Variants in ATXN3 observed in about 807,000 individuals in gnomAD.
ATXN3 encodes ataxin-3.
ATXN3 carries 28 observed loss-of-function variants against 58.2 expected under a neutral mutation model. The observed-to-expected ratio is 0.48, with a 90% CI of 0.36 to 0.66. ATXN3 has a LOEUF of 0.66. Ranked by LOEUF, ATXN3 falls within the 30% of genes least tolerant of loss-of-function variation. ATXN3 has a pLI of 0.00. For missense variants in ATXN3, 321 were observed against 422.1 expected (o/e 0.76, Z 2.10); for synonymous variants, 113 against 138.5 (o/e 0.82, Z 1.29).
Position 92,078,951 on chromosome 14 carries a change from C to T in ATXN3, c.872+2014G>A, listed in dbSNP as rs528024685. On this transcript the variant is annotated intron_variant, in intron 9 of 10. Coordinates refer to ENST00000644486, the MANE Select transcript of ATXN3 (RefSeq NM_004993.6). ...CTGTAATCCCAGCACTCTGGGAGGCCGAGGCAGGTGGATCACTTGAGGTCA... is the reference window on the plus strand; with the variant it reads ...CTGTAATCCCAGCACTCTGGGAGGCTGAGGCAGGTGGATCACTTGAGGTCA... Among the ~76,000 whole-genome samples the T allele has an allele frequency of 1.4e-4, 21 of 151,956 alleles. No individual in the cohort carries two copies. In the South Asian group the frequency reaches 1.5e-3, roughly 11 times the overall value.
intron 2 of ATXN3, among the ~76,000 whole-genome samples, chr14:92,045,760 A>G (rs1040119143): frequency 3.9e-5 from 6 of 152,182 alleles, no homozygotes; most frequent in Non-Finnish European, 7.3e-5. Flanking sequence ...GGCTGGAAGG[A>G]GATATTTTCC....
At position 92,096,598 on chromosome 14, in the gene ATXN3, T is replaced by C; in HGVS notation, c.189+76A>G. 2.8e-6 allele frequency: 4 copies of C among 1,433,552 alleles called. No homozygotes were observed. The South Asian group carries it at 3.9e-5, about 14-fold the overall frequency. The allele number at this position is 1,433,552 out of a possible 1,614,324, so 88.8% of individuals were successfully genotyped here. On this transcript the variant is annotated intron_variant, in intron 2 of 10. Coordinates refer to ENST00000644486, the MANE Select transcript of ATXN3 (RefSeq NM_004993.6). The stretch of plus-strand genomic sequence containing the variant: ...GAGATCGCGCCATTGCACTCCAGCA[T>C]GGGCAACAGGGCGAGACTCCGTCTC...
At chr14:92,054,830 G>C (rs1164564345), downstream of ATXN3, among the ~76,000 whole-genome samples, 1 of 151,874 alleles carries the variant, frequency 6.6e-6, no homozygotes, top group Non-Finnish European at 1.5e-5. Context: ...TTGAAGATGA[G>C]AGGAGAAAAA....
intron 7 of ATXN3, 107 bp downstream of exon 7, chr14:92,083,019 A>T (rs1362492607): frequency 5.9e-6 from 8 of 1,356,540 alleles, no homozygotes; most frequent in Non-Finnish European, 8.0e-6. Context: ...AAGGTCCAAA[A>T]TAGAGTCGCC....
At chr14:92,090,191 C>T (rs1884774) in intron 5 of ATXN3, among the ~76,000 whole-genome samples, 42,909 of 151,966 alleles carry the variant, frequency 0.28, 6,379 homozygotes, top group East Asian at 0.44. Context: ...CAGCCTCGAA[C>T]ACCTGGGCTT....
intron 9 of ATXN3, among the ~76,000 whole-genome samples, chr14:92,078,362 T>TTATTTATG (rs1235415876): frequency 1.3e-5 from 2 of 151,746 alleles, no homozygotes; most frequent in Non-Finnish European, 2.9e-5. Flanking sequence ...TTTTTATTAT[T>TTATTTATG]TATTTATTTA....
chr14:92,068,040 G>T (rs539351859), intron 10 of ATXN3, among the ~76,000 whole-genome samples: 2 of 152,270 alleles, frequency 1.3e-5, no homozygotes, highest in Admixed American at 1.3e-4. Flanking sequence ...TTACTGCTGG[G>T]TGTCAGCAAC....
intron 1 of ATXN3, among the ~76,000 whole-genome samples, chr14:92,106,184 G>C (rs1431240940): frequency 6.6e-6 from 1 of 152,180 alleles, no homozygotes; most frequent in African/African-American, 2.4e-5. Flanking sequence ...GGAGAGGGAA[G>C]GATTGGGGAG....
intron 1 of ATXN3, among the ~76,000 whole-genome samples, chr14:92,097,161 G>A (rs1360495984): frequency 6.6e-6 from 1 of 151,834 alleles, no homozygotes; most frequent in Non-Finnish European, 1.5e-5. Flanking sequence ...CGCCCGCCTT[G>A]GCCTCCCAAA....
chr14:92,101,936 C>T (rs553303069), intron 1 of ATXN3, among the ~76,000 whole-genome samples: 6 of 151,606 alleles, frequency 4.0e-5, no homozygotes, highest in Admixed American at 2.6e-4. Context: ...AGGTGGATCA[C>T]GAGGTCAAGA....
At chr14:92,057,028 T>C (rs1405395679), downstream of ATXN3, among the ~76,000 whole-genome samples, 3 of 152,166 alleles carry the variant, frequency 2.0e-5, no homozygotes, top group East Asian at 1.9e-4. Flanking sequence ...TACACTCCCA[T>C]TGGCACCATG....
chr14:92,089,779 A>G (rs888958384), intron 5 of ATXN3, among the ~76,000 whole-genome samples: 2 of 152,356 alleles, frequency 1.3e-5, no homozygotes, highest in South Asian at 2.1e-4. Flanking sequence ...ATATCAGTCC[A>G]ACATAACTCC....
chr14:92,070,744 CTTTT>C (rs774529009), intron 10 of ATXN3, 187 bp downstream of exon 10: 47 of 1,016,822 alleles, frequency 4.6e-5, no homozygotes, highest in Admixed American at 1.0e-4. Flanking sequence ...CCACATCTAG[CTTTT>C]TTTTTTTTTT....
chr14:92,045,799 A>G (rs11160037), intron 2 of ATXN3, among the ~76,000 whole-genome samples: 68,819 of 151,814 alleles, frequency 0.45, 16,974 homozygotes, highest in African/African-American at 0.66. Flanking sequence ...GCCTTGTGTG[A>G]GAAGAGATTG....
chr14:92,072,693 T>A, intron 9 of ATXN3, among the ~76,000 whole-genome samples: 2 of 98,590 alleles, frequency 2.0e-5, no homozygotes, highest in Non-Finnish European at 1.9e-5. Context: ...AAGCTATAGG[T>A]TAAAAAAAAA....
chr14:92,093,149 G>T (rs2064273332), intron 5 of ATXN3, 103 bp downstream of exon 5: 1 of 687,748 alleles, frequency 1.5e-6, no homozygotes, highest in Non-Finnish European at 2.4e-6. Flanking sequence ...CCCCACCTCA[G>T]CCTCCCAAAC....
intron 5 of ATXN3, among the ~76,000 whole-genome samples, chr14:92,091,767 G>A (rs1365736211): frequency 6.6e-6 from 1 of 152,034 alleles, no homozygotes; most frequent in African/African-American, 2.4e-5. Context: ...GCACGATCAT[G>A]ATTCACTGCA....
chr14:92,052,328 C>G (rs563438484), upstream of ATXN3, among the ~76,000 whole-genome samples: 2 of 151,834 alleles, frequency 1.3e-5, no homozygotes, highest in Non-Finnish European at 2.9e-5. Context: ...AACCCCGTCT[C>G]TACTAAAAAT....
At chr14:92,097,205 G>A (rs1418547791) in intron 1 of ATXN3, among the ~76,000 whole-genome samples, 2 of 151,046 alleles carry the variant, frequency 1.3e-5, no homozygotes, top group African/African-American at 2.4e-5. Context: ...CACTGCGCCC[G>A]GCTCCCCTAA....
Sources: allele counts gnomAD v4.1 joint callset (sites outside exome capture counted in the v4.1 genomes callset), GRCh38; gene constraint gnomAD v4.1.1; transcripts MANE v1.5; gene names NCBI Gene and HGNC (gene_info 2026-07-23, HGNC 2026-07-21).